The following YAF2 variants were observed in gnomAD, a reference collection of about 807,000 sequenced individuals.
The protein encoded by YAF2 is YY1-associated factor 2.
In YAF2, 7 loss-of-function variants were observed where a neutral mutation model predicts 20.1. That is an observed-to-expected ratio of 0.35 (90% CI 0.20 to 0.65). The LOEUF is 0.65. Among genes scored for constraint, YAF2 ranks in the 30% least tolerant of loss-of-function variants. YAF2 has a pLI of 0.69. For missense variants in YAF2, 151 were observed against 219.2 expected (o/e 0.69, Z 1.96); for synonymous variants, 74 against 76.0 (o/e 0.97, Z 0.14).
chr12:42,214,568 G>T (rs1012167113), intron 2 of YAF2, among the ~76,000 whole-genome samples: 1 of 151,728 alleles, frequency 6.6e-6, no homozygotes, highest in African/African-American at 2.4e-5. Flanking sequence ...CGCCATGCCC[G>T]GCCTCCTCTT....
chr12:42,221,160 G>A (rs897726943), intron 2 of YAF2, among the ~76,000 whole-genome samples: 1 of 152,136 alleles, frequency 6.6e-6, no homozygotes, highest in African/African-American at 2.4e-5. Context: ...TAGGTCTAAT[G>A]TTAGAAACTG....
chr12:42,222,248 C>T (rs889910681), intron 2 of YAF2, among the ~76,000 whole-genome samples: 109 of 152,068 alleles, frequency 7.2e-4, no homozygotes, highest in African/African-American at 2.6e-3. Flanking sequence ...AAGGTTTCAC[C>T]AACTCCTTGA....
At chr12:42,222,958 A>C (rs1216470556) in intron 2 of YAF2, among the ~76,000 whole-genome samples, 1 of 147,536 alleles carries the variant, frequency 6.8e-6, no homozygotes, top group African/African-American at 2.5e-5. Context: ...TTTTGTTACC[A>C]TTGGTAGTTT....
At chr12:42,163,596 A>G (rs1034557979) in intron 2 of YAF2, among the ~76,000 whole-genome samples, 1 of 152,154 alleles carries the variant, frequency 6.6e-6, no homozygotes, top group Non-Finnish European at 1.5e-5. Flanking sequence ...TATACTACAC[A>G]ACTATTCCAT....
chr12:42,207,848 G>T (rs1037704088), intron 2 of YAF2, among the ~76,000 whole-genome samples: 10 of 151,984 alleles, frequency 6.6e-5, no homozygotes, highest in Non-Finnish European at 1.2e-4. Flanking sequence ...CCGAGATCGT[G>T]CCACTGCACT....
At chr12:42,188,507 T>C (rs899734914) in intron 2 of YAF2, among the ~76,000 whole-genome samples, 35 of 150,120 alleles carry the variant, frequency 2.3e-4, no homozygotes, top group African/African-American at 7.4e-4. Flanking sequence ...TGCCTCAGCC[T>C]CCTGAGTAGC....
At position 42,157,312 on chromosome 12, in the gene YAF2, A is replaced by G. The variant is rs1490735711; in HGVS notation, c.*3277T>C. 6.6e-6 allele frequency: 1 copy of G among 152,274 alleles called. No individual in the cohort carries two copies. Among genetic ancestry groups the G allele is most frequent in the Non-Finnish European group, 1.5e-5 (1 of 68,098 alleles). The allele number at this position is 152,274 out of a possible 1,614,324, so 9.4% of individuals were successfully genotyped here. On this transcript the variant is annotated 3_prime_UTR_variant, in exon 4 of 4. Coordinates refer to ENST00000534854, the MANE Select transcript of YAF2 (RefSeq NM_005748.6). ...GTGAGAATTCATCCATTCCTGCAAG[A>G]GCGAATCCATTCCAGAACTAACTGA... is the stretch of plus-strand genomic sequence containing the variant.
chr12:42,165,843 T>G (rs190415736), intron 2 of YAF2, among the ~76,000 whole-genome samples: 10 of 149,640 alleles, frequency 6.7e-5, no homozygotes, highest in Admixed American at 2.7e-4. Flanking sequence ...CCTATGAACA[T>G]TCATCTTGTA....
chr12:42,208,876 T>C (rs974145581), intron 2 of YAF2, among the ~76,000 whole-genome samples: 5 of 152,186 alleles, frequency 3.3e-5, no homozygotes, highest in African/African-American at 9.7e-5. Flanking sequence ...CAGAATGGAA[T>C]TGGATAGCAG....
At position 42,238,045 on chromosome 12, in the gene YAF2, C is replaced by A. The variant is rs2068239248; in HGVS notation, c.26+110G>T. 5.3e-6 allele frequency: 5 copies of A among 947,916 alleles called. No individual in the cohort carries two copies. In the South Asian group the frequency reaches 2.0e-4, roughly 37 times the overall value. The allele number at this position is 947,916 out of a possible 1,614,324, so 58.7% of individuals were successfully genotyped here. ...CAGCACTCGCACACCAGCGGCGCTG[C>A]CCCCGTGCTCGCCCCGGTGCCCGGG... On this transcript the variant is annotated intron_variant, in intron 1 of 3. Transcript: ENST00000534854.
intron 2 of YAF2, among the ~76,000 whole-genome samples, chr12:42,164,047 G>A (rs1759428866): frequency 6.6e-6 from 1 of 152,198 alleles, no homozygotes; most frequent in Admixed American, 6.5e-5. Context: ...GGTTTTGACA[G>A]TACACTTTTA....
At chr12:42,234,895 G>A in intron 2 of YAF2, 1 of 775,818 alleles carries the variant, frequency 1.3e-6, no homozygotes, top group Non-Finnish European at 1.6e-6. Flanking sequence ...GGCTGAGGTG[G>A]GAGGATTCCT....
rs1361355794 is a variant in YAF2, at chr12:42,160,642, T to A, written c.490A>T (p.Arg164Trp). 2 of 1,613,880 alleles carry A rather than the reference T, an allele frequency of 1.2e-6. No individual in the cohort carries two copies. Among genetic ancestry groups the A allele is most frequent in the Non-Finnish European group, 1.7e-6 (2 of 1,179,874 alleles). Residue 164 changes from arginine to tryptophan, a missense_variant, in exon 4 of 4, where the codon AGG (arginine) becomes TGG (tryptophan). Transcript: ENST00000534854. ...GCTTCTCCTCTGGGTGAAGATGACC[T>A]GGACATTCCTCTCTCTGTGTTATCA... is the stretch of plus-strand genomic sequence containing the variant. ...SSDNTERGMSRSSSPRGEASS... is the reference protein window; with the variant it reads ...SSDNTERGMSWSSSPRGEASS...
intron 2 of YAF2, among the ~76,000 whole-genome samples, chr12:42,219,820 A>G (rs2067462799): frequency 6.6e-6 from 1 of 152,170 alleles, no homozygotes; most frequent in African/African-American, 2.4e-5. Context: ...GTAAGTCCTC[A>G]ATGAGGCCTG....
At chr12:42,175,842 T>C (rs971318325) in intron 2 of YAF2, among the ~76,000 whole-genome samples, 2 of 151,136 alleles carry the variant, frequency 1.3e-5, no homozygotes, top group Non-Finnish European at 2.9e-5. Flanking sequence ...GTTCTCAAGC[T>C]GATGTGTATT....
At position 42,237,741 on chromosome 12, in the gene YAF2, GGACAC is replaced by G. The variant is rs1271288214; in HGVS notation, c.27-22_27-18del. ...CGCTTCGGCCTGCAGGACACAACCCGGACACGACGCGGCGCGGGGTCACCAGCAGG... is the reference window on the plus strand; with the variant it reads ...CGCTTCGGCCTGCAGGACACAACCCGGACGCGGCGCGGGGTCACCAGCAGG... On this transcript the variant is annotated intron_variant, in intron 1 of 3. Coordinates refer to ENST00000534854, the MANE Select transcript of YAF2 (RefSeq NM_005748.6). 20 of 1,518,462 alleles carry G rather than the reference GGACAC, an allele frequency of 1.3e-5. No individual in the cohort carries two copies. Among genetic ancestry groups the G allele is most frequent in the Non-Finnish European group, 1.7e-5 (19 of 1,133,812 alleles). The allele number at this position is 1,518,462 out of a possible 1,614,324, so 94.1% of individuals were successfully genotyped here. A position where few individuals can be genotyped will look rare whatever the true frequency, so the allele number is the denominator to read the frequency against.
At chr12:42,170,773 G>A (rs2066026807) in intron 2 of YAF2, among the ~76,000 whole-genome samples, 1 of 152,162 alleles carries the variant, frequency 6.6e-6, no homozygotes, top group African/African-American at 2.4e-5. Flanking sequence ...TGAGCCTTGG[G>A]AGGTTGAGAC....
Position 42,195,558 on chromosome 12 carries a change from G to A in YAF2, c.153-33793C>T, listed in dbSNP as rs1016546169. Among the ~76,000 whole-genome samples the A allele has an allele frequency of 3.3e-5, 5 of 152,198 alleles. No individual in the cohort carries two copies. In the East Asian group the frequency reaches 5.8e-4, roughly 18 times the overall value. The stretch of plus-strand genomic sequence containing the variant: ...GTTGAAAGGATGAAAACAATATTCC[G>A]TAAAATAGAAACCACATAGGCTCAG... On this transcript the variant is annotated intron_variant, in intron 2 of 3. Coordinates refer to ENST00000534854, the MANE Select transcript of YAF2 (RefSeq NM_005748.6).
intron 2 of YAF2, among the ~76,000 whole-genome samples, chr12:42,191,758 T>C (rs947033511): frequency 2.0e-5 from 3 of 152,016 alleles, no homozygotes; most frequent in East Asian, 1.9e-4. Context: ...CCCAATACCA[T>C]GAGAGGTTTT....
Sources: gnomAD v4.1 joint callset for allele counts (sites outside exome capture counted in the v4.1 genomes callset) on GRCh38, gnomAD v4.1.1 for gene constraint, MANE v1.5 for transcripts, NCBI Gene and HGNC (gene_info 2026-07-23, HGNC 2026-07-21) for gene names.